The following GARRE1 variants were observed in gnomAD, a reference collection of about 807,000 sequenced individuals.
The protein encoded by GARRE1 is granule associated Rac and RHOG effector protein 1.
In GARRE1, 49 loss-of-function variants were observed where a neutral mutation model predicts 103.2. The ratio of observed to expected loss-of-function variants is 0.47; its 90% CI spans 0.38 to 0.60. GARRE1 has a LOEUF of 0.60. Ranked by LOEUF, GARRE1 falls within the 20% of genes least tolerant of loss-of-function variation. The pLI, the probability that GARRE1 is intolerant of heterozygous loss-of-function variation, is 0.00. For synonymous variants in GARRE1, 505 were observed against 532.8 expected (o/e 0.95, Z 0.72); for missense variants, 1,199 against 1,370.5 (o/e 0.87, Z 1.98).
In GARRE1 at chr19:34,351,568, C is replaced by T. The variant is rs1459976054; in HGVS notation, c.2880C>T (p.Leu960=). The T allele has an allele frequency of 1.9e-6, 3 of 1,613,692 alleles. No homozygotes were observed. Among genetic ancestry groups the T allele is most frequent in the East Asian group, 2.2e-5 (1 of 44,902 alleles). ...DTSTLPSPPL[L]TTVEDVNQDN... is the part of the protein sequence containing the mutation. ...GCACGCTGCCCTCACCACCTCTCCTCACCACGGTGGAGGATGTGAACCAGG... is the reference window on the plus strand; with the variant it reads ...GCACGCTGCCCTCACCACCTCTCCTTACCACGGTGGAGGATGTGAACCAGG... Residue 960 remains leucine (L), a synonymous_variant, in exon 13 of 14, where the codon CTC becomes CTT. Transcript: ENST00000299505.
intron 2 of GARRE1, among the ~76,000 whole-genome samples, chr19:34,308,600 A>G (rs988943925): frequency 6.6e-6 from 1 of 152,228 alleles, no homozygotes; most frequent in Non-Finnish European, 1.5e-5. Context: ...ATGATTTACC[A>G]TCTGTCTAGC....
At chr19:34,276,556 G>A (rs1480065734) in intron 1 of GARRE1, among the ~76,000 whole-genome samples, 2 of 152,190 alleles carry the variant, frequency 1.3e-5, no homozygotes, top group Non-Finnish European at 2.9e-5. Context: ...GAAATAGCCA[G>A]TGTGCTCCAT....
chr19:34,336,469 ATTTTTT>A (rs11343595), intron 8 of GARRE1, among the ~76,000 whole-genome samples: 1 of 134,114 alleles, frequency 7.5e-6, no homozygotes. Flanking sequence ...GTGTTCCTGA[ATTTTTT>A]TTTTTTTTTT....
chr19:34,262,569 TG>T (rs1300567644), intron 1 of GARRE1, among the ~76,000 whole-genome samples: 5 of 152,012 alleles, frequency 3.3e-5, no homozygotes, highest in African/African-American at 1.2e-4. Context: ...GTGCTGGGAT[TG>T]TAGGCGTGAG....
chr19:34,283,651 C>T (rs1016195857), intron 1 of GARRE1, among the ~76,000 whole-genome samples: 24 of 152,112 alleles, frequency 1.6e-4, no homozygotes, highest in African/African-American at 5.8e-4. Context: ...GCCAAGATCT[C>T]ACCCTATTAG....
At position 34,300,978 on chromosome 19, in the gene GARRE1, C is replaced by A. The variant is rs746152945; in HGVS notation, c.495+10C>A. ...TCTCCAGGACATTGAGGTAGAGTAT[C>A]TTTTGTGTCATACTTGTGTAGGAAA... is the stretch of plus-strand genomic sequence containing the variant. On this transcript the variant is annotated intron_variant, in intron 2 of 13. Transcript: ENST00000299505. The A allele has an allele frequency of 6.3e-7, 1 of 1,588,490 alleles. No homozygotes were observed. The highest frequency in any genetic ancestry group is 8.5e-7 in the Non-Finnish European group (1 of 1,172,060).
At chr19:34,304,092 T>G (rs1373302932) in intron 2 of GARRE1, among the ~76,000 whole-genome samples, 1 of 104,656 alleles carries the variant, frequency 9.6e-6, no homozygotes, top group African/African-American at 3.5e-5. Context: ...GATCTATCTT[T>G]GTAATTTTTT....
intron 2 of GARRE1, among the ~76,000 whole-genome samples, chr19:34,316,617 C>G (rs2074061716): frequency 1.3e-5 from 2 of 152,222 alleles, no homozygotes; most frequent in East Asian, 1.9e-4. Context: ...GCATCTGTTA[C>G]TCTGGGTAAA....
intron 3 of GARRE1, among the ~76,000 whole-genome samples, chr19:34,320,905 C>CTTT (rs35585974): frequency 8.0e-6 from 1 of 125,094 alleles, no homozygotes; most frequent in Non-Finnish European, 1.7e-5. Flanking sequence ...ATTATTATTA[C>CTTT]TTTTTTTTTT....
chr19:34,342,854 A>G (rs1217467219), intron 10 of GARRE1, among the ~76,000 whole-genome samples: 3 of 150,670 alleles, frequency 2.0e-5, no homozygotes, highest in Non-Finnish European at 3.0e-5. Flanking sequence ...TTTTTTGCCT[A>G]AACTCTAGGA....
intron 1 of GARRE1, among the ~76,000 whole-genome samples, chr19:34,297,928 T>G (rs982473630): frequency 3.3e-5 from 5 of 152,218 alleles, no homozygotes; most frequent in African/African-American, 1.2e-4. Context: ...ATCCACAGTG[T>G]CCTTCTCATC....
chr19:34,284,557 T>C (rs552553802), intron 1 of GARRE1, among the ~76,000 whole-genome samples: 1 of 152,340 alleles, frequency 6.6e-6, no homozygotes, highest in Non-Finnish European at 1.5e-5. Context: ...CTTTTGCAAA[T>C]TATGTTGAAA....
At chr19:34,285,481 G>C (rs1050430537) in intron 1 of GARRE1, among the ~76,000 whole-genome samples, 10 of 152,014 alleles carry the variant, frequency 6.6e-5, no homozygotes, top group African/African-American at 2.4e-4. Flanking sequence ...AAATTAATCA[G>C]GCGTGGTATC....
At chr19:34,288,087 C>T (rs1209034521) in intron 1 of GARRE1, among the ~76,000 whole-genome samples, 3 of 152,086 alleles carry the variant, frequency 2.0e-5, no homozygotes, top group Non-Finnish European at 4.4e-5. Context: ...TTAGTCCAAG[C>T]CTTAGGCCTC....
At chr19:34,256,359 C>CA (rs564359038) in intron 1 of GARRE1, among the ~76,000 whole-genome samples, 39 of 151,356 alleles carry the variant, frequency 2.6e-4, no homozygotes, top group African/African-American at 8.2e-4. Context: ...TAAAAAAATA[C>CA]AAAAAAACAC....
intron 1 of GARRE1, among the ~76,000 whole-genome samples, chr19:34,267,809 T>G (rs1238848742): frequency 6.6e-6 from 1 of 151,570 alleles, no homozygotes; most frequent in Non-Finnish European, 1.5e-5. Context: ...AGTCTCGCTC[T>G]GTTGCCCAGG....
At chr19:34,352,265 G>T (rs573099919) in intron 13 of GARRE1, among the ~76,000 whole-genome samples, 1 of 152,094 alleles carries the variant, frequency 6.6e-6, no homozygotes, top group African/African-American at 2.4e-5. Flanking sequence ...AGCCAGGCAT[G>T]GTGGCATGCG....
rs2145236793 is a variant in GARRE1 at position 34,296,364 on chromosome 19, T to TCCTTGG, written c.-795-3304_-795-3299dup. On this transcript the variant is annotated intron_variant, in intron 1 of 13. Transcript: ENST00000299505. ...AGCTGCAGTCTGGGCGCTGATTTGA[T>TCCTTGG]CCTTGGCCTTGGCCTTTAGCCGGCA... 3.1e-6 allele frequency: 4 copies of TCCTTGG among 1,305,728 alleles called. No homozygotes were observed. The East Asian group carries it at 9.2e-5, about 30-fold the overall frequency. 80.9% of individuals were successfully genotyped at this position (1,305,728 alleles called of 1,614,324 possible). A position where few individuals can be genotyped will look rare whatever the true frequency, so the allele number is the denominator to read the frequency against.
chr19:34,306,413 G>A (rs2074007652), intron 2 of GARRE1, among the ~76,000 whole-genome samples: 1 of 152,264 alleles, frequency 6.6e-6, no homozygotes, highest in Non-Finnish European at 1.5e-5. Flanking sequence ...TTACAGCCAA[G>A]TTTGGGCTGT....
Sources: gnomAD v4.1 joint callset for allele counts (sites outside exome capture counted in the v4.1 genomes callset) on GRCh38, gnomAD v4.1.1 for gene constraint, MANE v1.5 for transcripts, NCBI Gene and HGNC (gene_info 2026-07-23, HGNC 2026-07-21) for gene names.